The following FBXO25 variants were observed in gnomAD, a reference collection of about 807,000 sequenced individuals.
The protein encoded by FBXO25 is F-box protein 25.
Under a neutral mutation model 51.9 loss-of-function variants are expected in FBXO25, and 45 were observed. The observed-to-expected ratio is 0.87, with a 90% confidence interval of 0.68 to 1.11. The LOEUF is 1.11. Ranked by LOEUF, FBXO25 falls within the 50% of genes most tolerant of loss-of-function variation. FBXO25 has a pLI of 0.00. For missense variants in FBXO25, 507 were observed against 428.5 expected, an observed-to-expected ratio of 1.18 and a Z score of -1.62; for synonymous variants, 199 against 151.0, an observed-to-expected ratio of 1.32 and a Z score of -2.33.
In FBXO25 at chr8:473,860, C is replaced by G. The variant is rs918444520; in HGVS notation, c.*5056C>G. 4 of 152,166 alleles carry G rather than the reference C, an allele frequency of 2.6e-5. No individual in the cohort carries two copies. The highest frequency in any genetic ancestry group is 4.4e-5 in the Non-Finnish European group (3 of 68,028). 9.4% of individuals were successfully genotyped at this position (152,166 alleles called of 1,614,324 possible). A position where few individuals can be genotyped will look rare whatever the true frequency, so the allele number is the denominator to read the frequency against. On this transcript the variant is annotated 3_prime_UTR_variant, in exon 10 of 10. Transcript: ENST00000350302. Reference sequence around the variant, plus strand: ...ATTTGATAATCATTTGAGAAACTTGCACAGATGAAGGCAAGTTGGTTTTTA... The same window carrying G: ...ATTTGATAATCATTTGAGAAACTTGGACAGATGAAGGCAAGTTGGTTTTTA...
chr8:427,810 C>T (rs1797585442), intron 2 of FBXO25, among the ~76,000 whole-genome samples: 2 of 150,542 alleles, frequency 1.3e-5, no homozygotes, highest in Admixed American at 1.3e-4. Context: ...AGAACTGATG[C>T]CCTTGATTAG....
intron 8 of FBXO25, among the ~76,000 whole-genome samples, chr8:462,608 A>G (rs941062558): frequency 6.6e-6 from 1 of 152,220 alleles, no homozygotes; most frequent in African/African-American, 2.4e-5. Flanking sequence ...TTTCAGATAG[A>G]CCTGGAGGCC....
rs187607315 is a variant in FBXO25, at chr8:436,331, A to G, written c.381+624A>G. ...TTCTATTATGGATAAAATAGAAGCT[A>G]TAGTTTATGAAGCTATTAATTTTGT... On this transcript the variant is annotated intron_variant, in intron 5 of 9. Coordinates refer to ENST00000350302, the MANE Select transcript of FBXO25 (RefSeq NM_183420.2). Among the ~76,000 whole-genome samples, 641 of 152,292 alleles carry G rather than the reference A, an allele frequency of 4.2e-3. 1 individual carries two copies. The highest frequency in any genetic ancestry group is 0.014 in the African/African-American group (597 of 41,546).
At chr8:432,227 G>C (rs1177052998) in intron 3 of FBXO25, among the ~76,000 whole-genome samples, 1 of 152,154 alleles carries the variant, frequency 6.6e-6, no homozygotes, top group Non-Finnish European at 1.5e-5. Context: ...GAGTGACCAA[G>C]GGGCGGGTAG....
chr8:463,084 C>T lies in FBXO25; in HGVS notation c.921C>T (p.Tyr307=). 1 of 1,613,920 alleles carries T rather than the reference C, an allele frequency of 6.2e-7. No homozygotes were observed. The highest frequency in any genetic ancestry group is 8.5e-7 in the Non-Finnish European group (1 of 1,179,968). ...TGTACTTTGCACTTCAGAAACATTACCCAGCGAAGGAGCAGTACGGAGACA... is the reference window on the plus strand; with the variant it reads ...TGTACTTTGCACTTCAGAAACATTATCCAGCGAAGGAGCAGTACGGAGACA... The part of the protein sequence containing the change: ...KLMYFALQKH[Y]PAKEQYGDTL... The change falls in exon 9 of 10, where the codon TAC becomes TAT. Residue 307 remains tyrosine, a synonymous_variant. Coordinates refer to ENST00000350302, the MANE Select transcript of FBXO25 (RefSeq NM_183420.2).
intron 5 of FBXO25, among the ~76,000 whole-genome samples, chr8:445,982 C>G (rs1262386336): frequency 6.6e-6 from 1 of 152,078 alleles, no homozygotes; most frequent in Non-Finnish European, 1.5e-5. Flanking sequence ...TGAGTTCAGT[C>G]TTCCATAATG....
intron 5 of FBXO25, among the ~76,000 whole-genome samples, chr8:448,746 C>G (rs2116707535): frequency 6.6e-6 from 1 of 152,180 alleles, no homozygotes; most frequent in African/African-American, 2.4e-5. Context: ...CAGGGAGGCA[C>G]TAAGATGTTA....
rs751424495 is a variant in FBXO25 at position 458,571 on chromosome 8, C to G, written c.843+20C>G. On this transcript the variant is annotated intron_variant, in intron 8 of 9. Transcript: ENST00000350302. ...AAGCAGGTGAGTGGGATGCAGCAGT[C>G]TCCCCTCAGGCTGGGAGTTTATAGA... 2.5e-6 allele frequency: 4 copies of G among 1,611,336 alleles called. No individual in the cohort carries two copies. The highest frequency in any genetic ancestry group is 4.5e-5 in the East Asian group (2 of 44,846).
intron 4 of FBXO25, among the ~76,000 whole-genome samples, chr8:435,083 G>A (rs1798023604): frequency 6.6e-6 from 1 of 152,136 alleles, no homozygotes. Context: ...GATCCTTGTG[G>A]TTGAGCATAC....
intron 4 of FBXO25, among the ~76,000 whole-genome samples, chr8:433,765 C>A (rs1209043162): frequency 1.3e-5 from 2 of 152,082 alleles, no homozygotes; most frequent in African/African-American, 2.4e-5. Context: ...TTAAATATTC[C>A]AGAAATGTTT....
At chr8:424,103 T>A (rs1797325059) in intron 2 of FBXO25, among the ~76,000 whole-genome samples, 1 of 151,190 alleles carries the variant, frequency 6.6e-6, no homozygotes, top group Non-Finnish European at 1.5e-5. Flanking sequence ...AAGTGCCTGT[T>A]CATGTCCTTT....
chr8:419,929 A>G (rs3943560), intron 2 of FBXO25, among the ~76,000 whole-genome samples: 13 of 152,160 alleles, frequency 8.5e-5, no homozygotes, highest in Admixed American at 2.0e-4. Context: ...TAAGAAAACA[A>G]CCCAGTAAAA....
chr8:418,339 T>C (rs1001481724), intron 2 of FBXO25, among the ~76,000 whole-genome samples: 1 of 130,712 alleles, frequency 7.7e-6, no homozygotes, highest in Admixed American at 7.6e-5. Flanking sequence ...TGTTCTTTTT[T>C]TTTTTTTTTT....
At chr8:442,858 A>C (rs185498078) in intron 5 of FBXO25, among the ~76,000 whole-genome samples, 1 of 152,222 alleles carries the variant, frequency 6.6e-6, no homozygotes, top group African/African-American at 2.4e-5. Context: ...ATATATTTAC[A>C]TGTATATTTT....
At chr8:413,657 C>T (rs1450117911) in intron 2 of FBXO25, among the ~76,000 whole-genome samples, 4 of 152,164 alleles carry the variant, frequency 2.6e-5, no homozygotes, top group African/African-American at 7.2e-5. Context: ...GTCGCTCTGC[C>T]ATCCCAAGAG....
In FBXO25 at chr8:460,971, A is replaced by G. The variant is rs542633045; in HGVS notation, c.844-2036A>G. The stretch of plus-strand genomic sequence containing the variant: ...GATTGTTTTTAGCTTTGAAAAGTAA[A>G]ACATGCTCATTGCAGCAACAGCCAT... On this transcript the variant is annotated intron_variant, in intron 8 of 9. Transcript: ENST00000350302. Among the ~76,000 whole-genome samples, 3 of 152,338 alleles carry G rather than the reference A, an allele frequency of 2.0e-5. No individual in the cohort carries two copies. The South Asian group carries it at 6.2e-4, about 32-fold the overall frequency.
rs373527180 is a variant in FBXO25, at chr8:435,153, C to T, written c.289-462C>T. Among the ~76,000 whole-genome samples the T allele has an allele frequency of 4.9e-4, 75 of 152,264 alleles. No individual in the cohort carries two copies. The South Asian group carries it at 7.2e-3, about 15-fold the overall frequency. On this transcript the variant is annotated intron_variant, in intron 4 of 9. Coordinates refer to ENST00000350302, the MANE Select transcript of FBXO25 (RefSeq NM_183420.2). The stretch of plus-strand genomic sequence containing the variant: ...GAAATCCCATGTTATACTTCAAACT[C>T]GGGCAGTGCATGCCTCCCCTGCAGA...
chr8:475,793 G>T lies in FBXO25; in HGVS notation c.*6989G>T, dbSNP rs544980943. ...GTTACTGAAATTTTTTTTTGTATAT[G>T]TATGGACACTAGGATTTTCTACATA... is the stretch of plus-strand genomic sequence containing the variant. On this transcript the variant is annotated 3_prime_UTR_variant, in exon 10 of 10. Transcript: ENST00000350302. 10 of 152,060 alleles carry T rather than the reference G, an allele frequency of 6.6e-5. No homozygotes were observed. The South Asian group carries it at 2.1e-3, about 32-fold the overall frequency. The allele number at this position is 152,060 out of a possible 1,614,324, so 9.4% of individuals were successfully genotyped here.
intron 9 of FBXO25, among the ~76,000 whole-genome samples, chr8:466,082 A>C (rs1380492472): frequency 6.6e-6 from 1 of 152,198 alleles, no homozygotes; most frequent in Non-Finnish European, 1.5e-5. Context: ...GTCCCATCAC[A>C]GCTTCTCCCA....
Sources: gnomAD v4.1 joint callset for allele counts (sites outside exome capture counted in the v4.1 genomes callset) on GRCh38, gnomAD v4.1.1 for gene constraint, MANE v1.5 for transcripts, NCBI Gene and HGNC (gene_info 2026-07-23, HGNC 2026-07-21) for gene names.